PLPP4: variants seen among roughly 807,000 people sequenced by gnomAD.
PLPP4 encodes phospholipid phosphatase 4, also known as diacylglycerol pyrophosphate like 2.
Under a neutral mutation model 32.2 loss-of-function variants are expected in PLPP4, and 20 were observed. The observed-to-expected ratio is 0.62, with a 90% CI of 0.44 to 0.90. PLPP4 has a LOEUF of 0.90. PLPP4 is among the 40% of genes least tolerant of loss of function. The pLI is 0.00. For synonymous variants in PLPP4, 127 were observed against 133.0 expected (o/e 0.95, Z 0.31); for missense variants, 257 against 353.1 (o/e 0.73, Z 2.18).
intron 1 of PLPP4, among the ~76,000 whole-genome samples, chr10:120,459,278 C>G (rs1847933998): frequency 6.6e-6 from 1 of 152,080 alleles, no homozygotes; most frequent in Admixed American, 6.5e-5. Flanking sequence ...TTGGATGACT[C>G]CCAGGTTTCT....
chr10:120,535,378 A>G lies in PLPP4; in HGVS notation c.445+14283A>G, dbSNP rs540857113. 4.6e-5 allele frequency among the ~76,000 whole-genome samples: 7 copies of G among 152,244 alleles called. No homozygotes were observed. The East Asian group carries it at 1.2e-3, about 25-fold the overall frequency. Reference sequence around the variant, plus strand: ...TTATTGAGGTTTGTTTTATTGCTCAATGTATAGTTTATCTTGGTGGATGTT... The same window carrying G: ...TTATTGAGGTTTGTTTTATTGCTCAGTGTATAGTTTATCTTGGTGGATGTT... On this transcript the variant is annotated intron_variant, in intron 5 of 6. Transcript: ENST00000398250.
At chr10:120,512,774 C>T (rs1381518592) in intron 2 of PLPP4, among the ~76,000 whole-genome samples, 1 of 151,558 alleles carries the variant, frequency 6.6e-6, no homozygotes, top group African/African-American at 2.4e-5. Context: ...GATCACTCCA[C>T]TGCACTCCAG....
At chr10:120,457,451 G>A in intron 1 of PLPP4, 90 bp downstream of exon 1, 1 of 1,200,010 alleles carries the variant, frequency 8.3e-7, no homozygotes, top group Non-Finnish European at 1.2e-6. Context: ...TTGCGCAGCC[G>A]CTTCCCACTG....
chr10:120,544,074 A>T (rs1262069342), intron 5 of PLPP4, among the ~76,000 whole-genome samples: 1 of 152,214 alleles, frequency 6.6e-6, no homozygotes, highest in East Asian at 1.9e-4. Flanking sequence ...TGCTACAGAC[A>T]CAGGGGTACA....
chr10:120,474,287 T>C (rs112474264), intron 1 of PLPP4, among the ~76,000 whole-genome samples: 11 of 152,182 alleles, frequency 7.2e-5, no homozygotes, highest in African/African-American at 2.7e-4. Context: ...AAATTTATCA[T>C]TTATCCATTT....
intron 5 of PLPP4, among the ~76,000 whole-genome samples, chr10:120,561,094 C>T (rs993173265): frequency 1.1e-4 from 16 of 152,150 alleles, no homozygotes; most frequent in African/African-American, 3.9e-4. Context: ...CCCAGTTGAC[C>T]AGCAGTCCTT....
chr10:120,578,413 C>T (rs1849324685), intron 6 of PLPP4, among the ~76,000 whole-genome samples: 1 of 152,166 alleles, frequency 6.6e-6, no homozygotes. Context: ...CACATGGAGC[C>T]CCATTAGCAT....
chr10:120,547,474 A>AGG (rs1294619768), intron 5 of PLPP4, among the ~76,000 whole-genome samples: 1 of 152,184 alleles, frequency 6.6e-6, no homozygotes, highest in African/African-American at 2.4e-5. Context: ...GAAACCCAGT[A>AGG]GGAGAATGAT....
intron 5 of PLPP4, among the ~76,000 whole-genome samples, chr10:120,558,607 G>A (rs1305366046): frequency 6.6e-6 from 1 of 151,914 alleles, no homozygotes; most frequent in African/African-American, 2.4e-5. Context: ...GTAAAGACGA[G>A]GTTGCACCAT....
intron 5 of PLPP4, among the ~76,000 whole-genome samples, chr10:120,546,294 T>C (rs1225137997): frequency 6.6e-6 from 1 of 152,128 alleles, no homozygotes; most frequent in Non-Finnish European, 1.5e-5. Context: ...TTCTTGAGAA[T>C]GGAAAATGGA....
chr10:120,585,864 C>A (rs764164022), intron 6 of PLPP4, among the ~76,000 whole-genome samples: 2 of 152,158 alleles, frequency 1.3e-5, no homozygotes, highest in African/African-American at 2.4e-5. Flanking sequence ...GCTTTCCCTG[C>A]TGTCCTCCAA....
chr10:120,508,777 C>T (rs11199371), intron 2 of PLPP4, among the ~76,000 whole-genome samples: 65,026 of 152,022 alleles, frequency 0.43, 14,309 homozygotes, highest in South Asian at 0.59. Context: ...CAACCTCCTC[C>T]TGCTACTCAA....
At chr10:120,527,115 CCTAT>C (rs10608182) in intron 5 of PLPP4, among the ~76,000 whole-genome samples, 49,449 of 151,794 alleles carry the variant, frequency 0.33, 8,619 homozygotes, top group South Asian at 0.4. Context: ...TGTCTGTCTA[CCTAT>C]CTATCAATCA....
chr10:120,541,042 A>G (rs1847316002), intron 5 of PLPP4, among the ~76,000 whole-genome samples: 1 of 152,200 alleles, frequency 6.6e-6, no homozygotes, highest in Non-Finnish European at 1.5e-5. Context: ...ACCAGATATT[A>G]TTGCGTGTCA....
At chr10:120,518,811 G>T (rs369843592) in intron 3 of PLPP4, 22 bp from the exon 4 acceptor site, 1 of 1,606,316 alleles carries the variant, frequency 6.2e-7, no homozygotes, top group Non-Finnish European at 8.5e-7. Flanking sequence ...CTATTTTTCT[G>T]TCTGTTGGTT....
chr10:120,533,814 T>C (rs1846858877), intron 5 of PLPP4, among the ~76,000 whole-genome samples: 1 of 152,186 alleles, frequency 6.6e-6, no homozygotes, highest in African/African-American at 2.4e-5. Context: ...TTTGGTTCTT[T>C]TCATTTGTTC....
chr10:120,467,776 G>A (rs1176896371), intron 1 of PLPP4, among the ~76,000 whole-genome samples: 3 of 64,684 alleles, frequency 4.6e-5, no homozygotes, highest in African/African-American at 6.6e-5. Context: ...ACATATGCAG[G>A]TTTGTTACAG....
At chr10:120,501,025 T>C (rs1845225852) in intron 1 of PLPP4, among the ~76,000 whole-genome samples, 1 of 152,032 alleles carries the variant, frequency 6.6e-6, no homozygotes, top group South Asian at 2.1e-4. Flanking sequence ...TGTCCTGTTA[T>C]AAGAAAAATA....
chr10:120,552,163 G>GGGGT lies in PLPP4; in HGVS notation c.446-22966_446-22963dup, dbSNP rs1170342898. Reference sequence around the variant, plus strand: ...TGGTGATTGTGTTGTTAGTGGTGGTGGGGTGTGTGTGTGTGTGTGTGTGTG... The same window carrying GGGGT: ...TGGTGATTGTGTTGTTAGTGGTGGTGGGGTGGGTGTGTGTGTGTGTGTGTGTGTG... On this transcript the variant is annotated intron_variant, in intron 5 of 6. Transcript: ENST00000398250. 9.8e-5 allele frequency among the ~76,000 whole-genome samples: 8 copies of GGGGT among 81,688 alleles called. No individual in the cohort carries two copies. In the South Asian group the frequency reaches 3.8e-3, roughly 39 times the overall value. The allele number at this position is 81,688 out of a possible 152,430, so 53.6% of individuals were successfully genotyped here. A position where few individuals can be genotyped will look rare whatever the true frequency, so the allele number is the denominator to read the frequency against.
Sources: allele counts gnomAD v4.1 joint callset (sites outside exome capture counted in the v4.1 genomes callset), GRCh38; gene constraint gnomAD v4.1.1; transcripts MANE v1.5; gene names NCBI Gene and HGNC (gene_info 2026-07-23, HGNC 2026-07-21).